Variants in SLC6A3 observed in about 807,000 individuals in gnomAD.
The protein encoded by SLC6A3 is solute carrier family 6 member 3, also known as sodium-dependent dopamine transporter.
In SLC6A3, 19 loss-of-function variants were observed where a neutral mutation model predicts 70.4. The observed-to-expected ratio is 0.27, with a 90% CI of 0.19 to 0.40. The LOEUF (loss-of-function observed/expected upper bound fraction) is 0.40, where lower values mean the gene tolerates loss of function less well. SLC6A3 is among the 10% of genes least tolerant of loss of function. The pLI is 1.00. For missense variants in SLC6A3, 613 were observed against 838.5 expected, an observed-to-expected ratio of 0.73 and a Z score of 3.32; for synonymous variants, 368 against 356.6, an observed-to-expected ratio of 1.03 and a Z score of -0.36.
Position 1,396,981 on chromosome 5 carries a change from G to A in SLC6A3, c.1840-2223C>T, listed in dbSNP as rs559447413. Among the ~76,000 whole-genome samples, 1 of 152,288 alleles carries A rather than the reference G, an allele frequency of 6.6e-6. No homozygotes were observed. The highest frequency in any genetic ancestry group is 2.4e-5 in the African/African-American group (1 of 41,552). On this transcript the variant is annotated intron_variant, in intron 14 of 14. Transcript: ENST00000270349. The surrounding 1 kb of genome is among the most constrained non-coding windows in gnomAD (Gnocchi z 7.0). The stretch of plus-strand genomic sequence containing the variant: ...CACAGTGCCTAGTTTTCCTGCTGTG[G>A]GCTCACAAGGGTCTGTTTGTTACGG...
rs540591887 is a variant in SLC6A3, at chr5:1,438,401, G to A, written c.418+2958C>T. On this transcript the variant is annotated intron_variant, in intron 3 of 14. Transcript: ENST00000270349. This position sits in a 1 kb window ranked among gnomAD's most constrained non-coding sequence, Gnocchi z 6.5. ...CGACTGCCCAGCTTACCCCGGCTGCGCATTGTGGAGAACACGATGATATGC... is the reference window on the plus strand; with the variant it reads ...CGACTGCCCAGCTTACCCCGGCTGCACATTGTGGAGAACACGATGATATGC... 1.3e-5 allele frequency among the ~76,000 whole-genome samples: 2 copies of A among 152,332 alleles called. No homozygotes were observed. The highest frequency in any genetic ancestry group is 2.1e-4 in the South Asian group (1 of 4,832).
chr5:1,429,066 C>G (rs1481326927), intron 4 of SLC6A3, among the ~76,000 whole-genome samples: 1 of 152,248 alleles, frequency 6.6e-6, no homozygotes, highest in African/African-American at 2.4e-5. Context: ...TGGCCTTTCA[C>G]AGTGAGACAT....
chr5:1,431,444 G>T lies in SLC6A3; in HGVS notation c.653+1020C>A, dbSNP rs542276759. ...ACTGTGCGGGTTGGGGCTGGTCGGG[G>T]TGGACTGTATGGGTTGGGCCTGGCT... On this transcript the variant is annotated intron_variant, in intron 4 of 14. Transcript: ENST00000270349. 8.5e-5 allele frequency among the ~76,000 whole-genome samples: 13 copies of T among 152,210 alleles called. No homozygotes were observed. The East Asian group carries it at 2.3e-3, about 27-fold the overall frequency.
chr5:1,401,394 G>T lies in SLC6A3; in HGVS notation c.1768-408C>A, dbSNP rs868262707. 1.2e-5 allele frequency: 5 copies of T among 414,024 alleles called. No individual in the cohort carries two copies. In the Middle Eastern group the frequency reaches 1.9e-3, roughly 156 times the overall value. The allele number at this position is 414,024 out of a possible 1,614,324, so 25.6% of individuals were successfully genotyped here. On this transcript the variant is annotated intron_variant, in intron 13 of 14. Coordinates refer to ENST00000270349, the MANE Select transcript of SLC6A3 (RefSeq NM_001044.5). This position sits in a 1 kb window ranked among gnomAD's most constrained non-coding sequence, Gnocchi z 6.1. ...GGGCCACCTGCAGCTGACATATTCCGGGAGCACTTGCTTTTTGTCACCTGC... is the reference window on the plus strand; with the variant it reads ...GGGCCACCTGCAGCTGACATATTCCTGGAGCACTTGCTTTTTGTCACCTGC...
At chr5:1,415,822 G>A (rs1579710926) in intron 7 of SLC6A3, among the ~76,000 whole-genome samples, 1 of 152,170 alleles carries the variant, frequency 6.6e-6, no homozygotes, top group Non-Finnish European at 1.5e-5. Context: ...TTGCCACTTG[G>A]GGCCCTCAGT....
At chr5:1,434,170 C>A (rs1222568824) in intron 3 of SLC6A3, among the ~76,000 whole-genome samples, 2 of 152,258 alleles carry the variant, frequency 1.3e-5, no homozygotes, top group Non-Finnish European at 2.9e-5. Flanking sequence ...CCATGCATGA[C>A]CATCCAGGGT....
chr5:1,421,565 G>A lies in SLC6A3; in HGVS notation c.792+311C>T, dbSNP rs548542551. On this transcript the variant is annotated intron_variant, in intron 5 of 14. Transcript: ENST00000270349. This position sits in a 1 kb window ranked among gnomAD's most constrained non-coding sequence, Gnocchi z 7.2. ...CGTGGACCCAAAACCCAACTGTGCC[G>A]TGTGTCCGCCCAGCCCAGCCACGGC... 5.9e-5 allele frequency among the ~76,000 whole-genome samples: 9 copies of A among 152,112 alleles called. No homozygotes were observed. Among genetic ancestry groups the A allele is most frequent in the South Asian group, 4.2e-4 (2 of 4,818 alleles).
In SLC6A3 at chr5:1,408,898, G is replaced by A. The variant is rs894835864; in HGVS notation, c.1498+128C>T. On this transcript the variant is annotated intron_variant, in intron 11 of 14. Transcript: ENST00000270349. This position sits in a 1 kb window ranked among gnomAD's most constrained non-coding sequence, Gnocchi z 6.4. ...GTGCCAAGCCTCTCCCCTCTGCGGA[G>A]CTGTGATGACCACAACCCAGGCTTC... The A allele has an allele frequency of 1.4e-5, 10 of 720,314 alleles. No homozygotes were observed. The highest frequency in any genetic ancestry group is 8.7e-5 in the African/African-American group (5 of 57,458). The allele number at this position is 720,314 out of a possible 1,614,324, so 44.6% of individuals were successfully genotyped here. A position where few individuals can be genotyped will look rare whatever the true frequency, so the allele number is the denominator to read the frequency against.
intron 4 of SLC6A3, among the ~76,000 whole-genome samples, chr5:1,426,254 T>A (rs1482871272): frequency 6.6e-6 from 1 of 152,112 alleles, no homozygotes; most frequent in Non-Finnish European, 1.5e-5. Context: ...GATAAATAGA[T>A]CTGGCCAGGT....
At position 1,443,039 on chromosome 5, in the gene SLC6A3, G is replaced by A. The variant is rs116703280; in HGVS notation, c.159C>T (p.Ser53=). Residue 53 remains serine (S), a synonymous_variant, in exon 2 of 15, where the codon AGC becomes AGT. Coordinates refer to ENST00000270349, the MANE Select transcript of SLC6A3 (RefSeq NM_001044.5). ...TCTCCCGATCCTGGGCCTCCACGGG[G>A]CTCTGCCGCGGGTTGGTGAGGGTGG... is the stretch of plus-strand genomic sequence containing the variant. ...TSSTLTNPRQ[S]PVEAQDRETW... 3 of 1,614,232 alleles carry A rather than the reference G, an allele frequency of 1.9e-6. No individual in the cohort carries two copies. Among genetic ancestry groups the A allele is most frequent in the Non-Finnish European group, 2.5e-6 (3 of 1,180,040 alleles).
In SLC6A3 at chr5:1,411,903, A is replaced by G. The variant is rs1756136984; in HGVS notation, c.1157-548T>C. Among the ~76,000 whole-genome samples the G allele has an allele frequency of 6.6e-6, 1 of 151,930 alleles. No homozygotes were observed. The highest frequency in any genetic ancestry group is 1.9e-4 in the East Asian group (1 of 5,174). ...ACACACTCAGACACACATACCATGC[A>G]ATATACACACACAGACACATGCGCG... On this transcript the variant is annotated intron_variant, in intron 8 of 14. Coordinates refer to ENST00000270349, the MANE Select transcript of SLC6A3 (RefSeq NM_001044.5). This position sits in a 1 kb window ranked among gnomAD's most constrained non-coding sequence, Gnocchi z 6.5.
intron 4 of SLC6A3, 75 bp from the exon 5 acceptor site, chr5:1,422,089 G>T (rs148542413): frequency 6.7e-7 from 1 of 1,484,742 alleles, no homozygotes; most frequent in Non-Finnish European, 9.2e-7. Context: ...GAGCTTGTCC[G>T]GGGACCTGCC....
intron 9 of SLC6A3, among the ~76,000 whole-genome samples, chr5:1,410,532 C>T (rs527248040): frequency 3.5e-4 from 53 of 152,298 alleles, no homozygotes; most frequent in African/African-American, 1.2e-3. Flanking sequence ...GAAAGTCCAG[C>T]AGGCCCAGGG....
At chr5:1,439,734 T>C (rs1393702774) in intron 3 of SLC6A3, among the ~76,000 whole-genome samples, 1 of 152,250 alleles carries the variant, frequency 6.6e-6, no homozygotes, top group African/African-American at 2.4e-5. Context: ...ATTTTCTTAA[T>C]GCCAATTTTC....
At position 1,416,220 on chromosome 5, in the gene SLC6A3, G is replaced by T; in HGVS notation, c.928-19C>A. 2 of 1,590,948 alleles carry T rather than the reference G, an allele frequency of 1.3e-6. No individual in the cohort carries two copies. Among genetic ancestry groups the T allele is most frequent in the Middle Eastern group, 1.7e-4 (1 of 6,018 alleles). On this transcript the variant is annotated intron_variant, in intron 6 of 14. Transcript: ENST00000270349. ...TCCAAACCTGCAGAGCCAGAGGGCG[G>T]TGAGAGGCTGTCCCAGGAGAACGCA...
Position 1,418,936 on chromosome 5 carries a change from T to TCATC in SLC6A3, c.927+1629_927+1632dup, listed in dbSNP as rs534519642. Among the ~76,000 whole-genome samples, 619 of 147,266 alleles carry TCATC rather than the reference T, an allele frequency of 4.2e-3. 7 individuals are homozygous for TCATC. The highest frequency in any genetic ancestry group is 0.038 in the South Asian group (171 of 4,550). The stretch of plus-strand genomic sequence containing the variant: ...CATTCACCCATCCATCATCCATTCA[T>TCATC]CATCCATCCATCCATCCATCCATGC... On this transcript the variant is annotated intron_variant, in intron 6 of 14. Transcript: ENST00000270349.
chr5:1,414,716 C>T lies in SLC6A3; in HGVS notation c.1131G>A (p.Val377=). 1 of 1,612,668 alleles carries T rather than the reference C, an allele frequency of 6.2e-7. No homozygotes were observed. Among genetic ancestry groups the T allele is most frequent in the Non-Finnish European group, 8.5e-7 (1 of 1,179,834 alleles). The change falls in exon 8 of 15, where the codon GTG becomes GTA. Residue 377 remains valine (V), a synonymous_variant. Transcript: ENST00000270349. ...FLGYMAQKHS[V]PIGDVAKDGP... is the part of the protein sequence containing the mutation. Reference sequence around the variant, plus strand: ...CGTCCTTGGCCACGTCCCCGATGGGCACACTGTGCTTCTGTGCCATGTACC... The same window carrying T: ...CGTCCTTGGCCACGTCCCCGATGGGTACACTGTGCTTCTGTGCCATGTACC...
intron 4 of SLC6A3, among the ~76,000 whole-genome samples, chr5:1,423,418 GAGCAAACTCT>G (rs1463004762): frequency 6.6e-6 from 1 of 152,110 alleles, no homozygotes; most frequent in African/African-American, 2.4e-5. Flanking sequence ...GGATGAGGCC[GAGCAAACTCT>G]AGCAATAATG....
chr5:1,444,115 C>T (rs932885699), intron 1 of SLC6A3, among the ~76,000 whole-genome samples: 1 of 152,204 alleles, frequency 6.6e-6, no homozygotes, highest in East Asian at 1.9e-4. Flanking sequence ...CTGTACAAGC[C>T]ACATCCACCT....
Sources: allele counts gnomAD v4.1 joint callset (sites outside exome capture counted in the v4.1 genomes callset), GRCh38; gene constraint gnomAD v4.1.1; non-coding constraint Gnocchi (gnomAD v3.1); transcripts MANE v1.5; gene names NCBI Gene and HGNC (gene_info 2026-07-23, HGNC 2026-07-21).